Variants in KLF12 observed in about 807,000 individuals in gnomAD.
KLF12 encodes the protein KLF transcription factor 12.
A neutral mutation model predicts 37.8 loss-of-function variants in KLF12; 9 were observed. That is an observed-to-expected ratio of 0.24 (90% CI 0.14 to 0.42). The LOEUF (loss-of-function observed/expected upper bound fraction) is 0.42, where lower values mean the gene tolerates loss of function less well. KLF12 is among the 10% of genes least tolerant of loss of function. KLF12 has a pLI of 1.00. For synonymous variants in KLF12, 208 were observed against 202.1 expected, an observed-to-expected ratio of 1.03 and a Z score of -0.25; for missense variants, 411 against 516.0, an observed-to-expected ratio of 0.80 and a Z score of 1.97.
chr13:73,717,209 G>A (rs1432738107), intron 6 of KLF12, among the ~76,000 whole-genome samples: 1 of 152,172 alleles, frequency 6.6e-6, no homozygotes, highest in African/African-American at 2.4e-5. Context: ...AGTGGCTCAA[G>A]CCTGTAATCC....
At chr13:73,860,081 C>T (rs1458033629) in intron 3 of KLF12, among the ~76,000 whole-genome samples, 4 of 152,084 alleles carry the variant, frequency 2.6e-5, no homozygotes, top group African/African-American at 9.7e-5. Flanking sequence ...GGATACATGC[C>T]TGAGTTCCGG....
At chr13:73,779,069 T>C (rs2138179940) in intron 5 of KLF12, among the ~76,000 whole-genome samples, 1 of 152,354 alleles carries the variant, frequency 6.6e-6, no homozygotes, top group East Asian at 1.9e-4. Flanking sequence ...CATATTAGTC[T>C]GCCTATGTGT....
chr13:73,739,709 G>A (rs1877814460), intron 6 of KLF12, among the ~76,000 whole-genome samples: 1 of 107,342 alleles, frequency 9.3e-6, no homozygotes. Context: ...TCTAGGGTAA[G>A]TTCACAATTG....
At chr13:74,214,915 C>T in the KLF12 span, among the ~76,000 whole-genome samples, 2 of 152,062 alleles carry the variant, frequency 1.3e-5, no homozygotes, top group Admixed American at 1.3e-4. Flanking sequence ...CTGCTTCAAC[C>T]TCTTGAGTAG....
chr13:74,238,799 T>A, the KLF12 span, among the ~76,000 whole-genome samples: 2 of 152,160 alleles, frequency 1.3e-5, no homozygotes, highest in African/African-American at 4.8e-5. Context: ...CCCTTTATCA[T>A]TTTTTATTGC....
chr13:73,824,789 T>C (rs1265907330), intron 4 of KLF12, among the ~76,000 whole-genome samples: 1 of 151,990 alleles, frequency 6.6e-6, no homozygotes, highest in Non-Finnish European at 1.5e-5. Flanking sequence ...AATTTCAGGC[T>C]GGGCGCGGTG....
At position 73,690,092 on chromosome 13, in the gene KLF12, T is replaced by C. The variant is rs1174432285; in HGVS notation, c.*5398A>G. 6.6e-6 allele frequency: 1 copy of C among 152,518 alleles called. No homozygotes were observed. Among genetic ancestry groups the C allele is most frequent in the Non-Finnish European group, 1.5e-5 (1 of 67,980 alleles). 9.4% of individuals were successfully genotyped at this position (152,518 alleles called of 1,614,324 possible). On this transcript the variant is annotated 3_prime_UTR_variant, in exon 8 of 8. Transcript: ENST00000377669. The stretch of plus-strand genomic sequence containing the variant: ...CGTTTTTTGTGGGCATGTGAACAGA[T>C]TTGATTTACTATGTGTATGTATTTA...
the KLF12 span, among the ~76,000 whole-genome samples, chr13:74,290,142 T>C: frequency 1.3e-5 from 2 of 152,176 alleles, no homozygotes; most frequent in African/African-American, 4.8e-5. Flanking sequence ...GCTAGAGGTA[T>C]TAATATTCAA....
intron 1 of KLF12, among the ~76,000 whole-genome samples, chr13:74,054,538 T>C (rs371191357): frequency 3.1e-4 from 47 of 151,868 alleles, no homozygotes; most frequent in African/African-American, 1.1e-3. Context: ...AAAAGAGAAC[T>C]TCAAGATTAT....
the KLF12 span, among the ~76,000 whole-genome samples, chr13:74,213,676 T>G: frequency 4.0e-5 from 6 of 149,222 alleles, no homozygotes; most frequent in Non-Finnish European, 8.9e-5. Context: ...ATTTTCATTC[T>G]ATTTGAAATA....
At position 74,130,645 on chromosome 13, in the gene KLF12, C is replaced by CA. The variant is rs5804718; in HGVS notation, c.-32+3093dup. ...TGGGTGACAGAGTGAGACCTCAACTCAAAAAAAAAAAAAAAGCTGTTTTCT... is the reference window on the plus strand; with the variant it reads ...TGGGTGACAGAGTGAGACCTCAACTCAAAAAAAAAAAAAAAAGCTGTTTTCT... On this transcript the variant is annotated intron_variant, in intron 1 of 7. Transcript: ENST00000377669. Among the ~76,000 whole-genome samples the CA allele has an allele frequency of 9.2e-3, 1,203 of 131,426 alleles. 23 individuals carry two copies. Among genetic ancestry groups the CA allele is most frequent in the African/African-American group, 0.034 (1,128 of 33,488 alleles). The allele number at this position is 131,426 out of a possible 152,430, so 86.2% of individuals were successfully genotyped here.
At chr13:73,893,163 C>A (rs961548356) in intron 3 of KLF12, among the ~76,000 whole-genome samples, 1 of 152,062 alleles carries the variant, frequency 6.6e-6, no homozygotes, top group Non-Finnish European at 1.5e-5. Context: ...AATGCTTTTC[C>A]AATTAGCACT....
At chr13:74,012,017 C>A (rs1158395911) in intron 1 of KLF12, among the ~76,000 whole-genome samples, 1 of 144,584 alleles carries the variant, frequency 6.9e-6, no homozygotes, top group East Asian at 2.3e-4. Flanking sequence ...TGGCCTTTAA[C>A]TGTATTTTAT....
the KLF12 span, chr13:74,231,801 T>C: frequency 6.6e-6 from 1 of 152,178 alleles, no homozygotes; most frequent in African/African-American, 2.4e-5. Context: ...TATTATTATA[T>C]GCTTGCAAAT....
intron 1 of KLF12, among the ~76,000 whole-genome samples, chr13:74,018,008 C>G (rs1049052963): frequency 6.6e-6 from 1 of 151,844 alleles, no homozygotes; most frequent in Non-Finnish European, 1.5e-5. Context: ...TCAATAATAT[C>G]ATGGAAGAAT....
intron 5 of KLF12, among the ~76,000 whole-genome samples, chr13:73,792,432 TAG>T (rs1881742280): frequency 6.6e-6 from 1 of 152,202 alleles, no homozygotes; most frequent in South Asian, 2.1e-4. Context: ...TTGTTTCAAT[TAG>T]AGAGTGTAAA....
At chr13:74,064,764 T>C (rs1009742861) in intron 1 of KLF12, among the ~76,000 whole-genome samples, 1 of 152,158 alleles carries the variant, frequency 6.6e-6, no homozygotes, top group Non-Finnish European at 1.5e-5. Flanking sequence ...TTTTAGACCA[T>C]AAAGGACCTT....
At chr13:73,896,504 A>G (rs2076609705) in intron 3 of KLF12, among the ~76,000 whole-genome samples, 2 of 152,212 alleles carry the variant, frequency 1.3e-5, no homozygotes, top group African/African-American at 4.8e-5. Context: ...ACATTACAAA[A>G]AGCTGACAGT....
intron 5 of KLF12, chr13:73,801,289 A>T (rs1882267231): frequency 6.6e-6 from 1 of 152,084 alleles, no homozygotes; most frequent in African/African-American, 2.4e-5. Context: ...CTGGAAAGTA[A>T]TGAAAAGACA....
Sources: allele counts gnomAD v4.1 joint callset (sites outside exome capture counted in the v4.1 genomes callset), GRCh38; gene constraint gnomAD v4.1.1; transcripts MANE v1.5; gene names NCBI Gene and HGNC (gene_info 2026-07-23, HGNC 2026-07-21).